The following JAKMIP3 variants were observed in gnomAD, a reference collection of about 807,000 sequenced individuals.
JAKMIP3 encodes the protein Janus kinase and microtubule interacting protein 3, also known as janus kinase and microtubule-interacting protein 3.
In JAKMIP3, 58 loss-of-function variants were observed where a neutral mutation model predicts 118.5. That is an observed-to-expected ratio of 0.49 (90% CI 0.40 to 0.61). The LOEUF (loss-of-function observed/expected upper bound fraction) is 0.61. JAKMIP3 is among the 20% of genes least tolerant of loss of function. The pLI, the probability that JAKMIP3 is intolerant of heterozygous loss-of-function variation, is 0.00. For synonymous variants in JAKMIP3, 486 were observed against 451.2 expected (o/e 1.08, Z -0.98); for missense variants, 950 against 1,109.0 (o/e 0.86, Z 2.04).
chr10:132,106,788 C>T (rs934792695), intron 2 of JAKMIP3, among the ~76,000 whole-genome samples: 1 of 152,216 alleles, frequency 6.6e-6, no homozygotes, highest in Non-Finnish European at 1.5e-5. Flanking sequence ...ACATGGCTGT[C>T]GTCTTCCCTC....
chr10:132,180,620 T>TGCGCGTGC lies in JAKMIP3; in HGVS notation c.*1104-1736_*1104-1735insCGCGTGCG, dbSNP rs1446423696. ...GTGCGTGCGCGTGTGTGTGTGCGTG[T>TGCGCGTGC]GTGTGCGTGTGTGCGTGCGTGTGTG... On this transcript the variant is annotated intron_variant, in intron 23 of 23. Transcript: ENST00000684848. 2.9e-4 allele frequency among the ~76,000 whole-genome samples: 12 copies of TGCGCGTGC among 41,214 alleles called. 1 individual carries two copies. The highest frequency in any genetic ancestry group is 1.6e-3 in the African/African-American group (12 of 7,342). The allele number at this position is 41,214 out of a possible 152,430, so 27.0% of individuals were successfully genotyped here.
rs540809939 is a variant in JAKMIP3 at position 132,137,358 on chromosome 10, G to A, written c.1284+69G>A. 8.3e-5 allele frequency: 132 copies of A among 1,589,692 alleles called. 1 individual carries two copies. In the Admixed American group the frequency reaches 1.0e-3, roughly 12 times the overall value. On this transcript the variant is annotated intron_variant, in intron 8 of 23. Coordinates refer to ENST00000684848, the MANE Select transcript of JAKMIP3 (RefSeq NM_001323087.2). The stretch of plus-strand genomic sequence containing the variant: ...CGCAGTTGCCCGTGGGACCCATTCT[G>A]TGCCCAGGGCTCCTCACAGACCAGA...
At position 132,179,569 on chromosome 10, in the gene JAKMIP3, C is replaced by G. The variant is rs535403735; in HGVS notation, c.*1104-2788C>G. On this transcript the variant is annotated intron_variant, in intron 23 of 23. Transcript: ENST00000684848. This position sits in a 1 kb window ranked among gnomAD's most constrained non-coding sequence, Gnocchi z 4.3. Reference sequence around the variant, plus strand: ...AAGAATGCGCTCCCTGAAGGCAATTCGCAGCCCCATGTTCCCCCCACCCCC... The same window carrying G: ...AAGAATGCGCTCCCTGAAGGCAATTGGCAGCCCCATGTTCCCCCCACCCCC... 1.3e-5 allele frequency among the ~76,000 whole-genome samples: 2 copies of G among 152,170 alleles called. No homozygotes were observed. Among genetic ancestry groups the G allele is most frequent in the South Asian group, 4.1e-4 (2 of 4,830 alleles).
At chr10:132,139,177 T>C (rs2380099) in intron 9 of JAKMIP3, among the ~76,000 whole-genome samples, 85,718 of 127,958 alleles carry the variant, frequency 0.67, 29,097 homozygotes, top group African/African-American at 0.75. Flanking sequence ...TGTGTGTATG[T>C]GTCTGTGTAT....
intron 10 of JAKMIP3, 55 bp downstream of exon 10, chr10:132,140,634 T>G: frequency 8.3e-7 from 1 of 1,199,486 alleles, no homozygotes; most frequent in Non-Finnish European, 1.1e-6. Flanking sequence ...GAGGGTCTCC[T>G]GCCGGGTCCT....
At chr10:132,159,622 CCTCTTCCTTTGTG>C (rs2057687642) in intron 19 of JAKMIP3, among the ~76,000 whole-genome samples, 1 of 67,588 alleles carries the variant, frequency 1.5e-5, no homozygotes, top group Admixed American at 1.9e-4. Flanking sequence ...TGCTGGGGGT[CCTCTTCCTTTGTG>C]ATGCTGGGGG....
At position 132,145,148 on chromosome 10, in the gene JAKMIP3, G is replaced by A. The variant is rs190702116; in HGVS notation, c.1644G>A (p.Ala548=). 5.6e-5 allele frequency: 91 copies of A among 1,612,464 alleles called. No homozygotes were observed. The highest frequency in any genetic ancestry group is 8.3e-5 in the Admixed American group (5 of 59,978). The change falls in exon 12 of 24, where the codon GCG becomes GCA. Residue 548 remains alanine, a synonymous_variant. Transcript: ENST00000684848. ...QLQAEVQRAQ[A]RIEDLEKALA... ...AAGCCGAAGTGCAGAGGGCACAGGC[G>A]CGGATAGAGGACCTGGAGAAGGCCC...
At chr10:132,158,654 GA>G (rs1429423094) in intron 19 of JAKMIP3, among the ~76,000 whole-genome samples, 9 of 151,562 alleles carry the variant, frequency 5.9e-5, no homozygotes, top group African/African-American at 2.2e-4. Context: ...GATGCTGTGG[GA>G]GGGGCATCTT....
At chr10:132,061,039 C>T (rs1291425683), upstream of JAKMIP3, among the ~76,000 whole-genome samples, 4 of 152,220 alleles carry the variant, frequency 2.6e-5, no homozygotes, top group South Asian at 6.2e-4. Context: ...AAAAAAAATA[C>T]AAGAGAATAT....
intron 1 of JAKMIP3, among the ~76,000 whole-genome samples, chr10:132,079,827 C>T (rs7086352): frequency 0.78 from 118,015 of 152,210 alleles, 47,053 homozygotes; most frequent in East Asian, 1. Context: ...CTCCGTGTTG[C>T]GGCACGTATC....
At chr10:132,180,606 T>C (rs1281226524) in intron 23 of JAKMIP3, among the ~76,000 whole-genome samples, 249 of 24,786 alleles carry the variant, frequency 0.01, 46 homozygotes, top group East Asian at 0.051. Flanking sequence ...TGCGTGCGCG[T>C]GTGTGTGTGC....
chr10:132,159,494 C>T (rs1361816729), intron 19 of JAKMIP3, among the ~76,000 whole-genome samples: 9 of 138,576 alleles, frequency 6.5e-5, no homozygotes, highest in Non-Finnish European at 1.2e-4. Flanking sequence ...GGAGGAGGCT[C>T]TCCCTGTGTG....
chr10:132,047,102 G>A (rs1256034445), intron 1 of JAKMIP3, among the ~76,000 whole-genome samples: 1 of 152,168 alleles, frequency 6.6e-6, no homozygotes, highest in East Asian at 1.9e-4. Flanking sequence ...GCCCAGGCTA[G>A]TCTTGAACTC....
intron 19 of JAKMIP3, among the ~76,000 whole-genome samples, chr10:132,159,849 GGC>G (rs1564982728): frequency 8.1e-4 from 48 of 59,464 alleles, no homozygotes; most frequent in African/African-American, 2.8e-3. Flanking sequence ...GATGCTGGGG[GGC>G]CTCTCCCTGT....
intron 23 of JAKMIP3, among the ~76,000 whole-genome samples, chr10:132,180,678 C>CGTGTGT (rs1323173621): frequency 0.011 from 108 of 9,558 alleles, 8 homozygotes; most frequent in Non-Finnish European, 0.012. Context: ...TGTGTGTGCG[C>CGTGTGT]GCGCGTGTGT....
At chr10:132,051,844 G>A (rs577441036) in intron 1 of JAKMIP3, among the ~76,000 whole-genome samples, 4 of 152,312 alleles carry the variant, frequency 2.6e-5, no homozygotes, top group African/African-American at 9.6e-5. Flanking sequence ...TGAGTTCAAA[G>A]TGATCCACCC....
intron 1 of JAKMIP3, among the ~76,000 whole-genome samples, chr10:132,094,485 G>T (rs984284414): frequency 6.6e-6 from 1 of 152,062 alleles, no homozygotes; most frequent in Non-Finnish European, 1.5e-5. Context: ...TTTTCCTATG[G>T]ATGTGGCTTC....
chr10:132,124,881 C>A (rs529546667), intron 3 of JAKMIP3, among the ~76,000 whole-genome samples: 2 of 152,220 alleles, frequency 1.3e-5, no homozygotes, highest in Non-Finnish European at 2.9e-5. Flanking sequence ...ACAGTATTGC[C>A]ATTTCTTTAG....
chr10:132,052,085 C>G (rs866743393), intron 1 of JAKMIP3, among the ~76,000 whole-genome samples: 2 of 152,268 alleles, frequency 1.3e-5, no homozygotes, highest in Middle Eastern at 3.4e-3. Context: ...ATTAGCCAGG[C>G]ATGGTGGTGC....
Sources: gnomAD v4.1 joint callset for allele counts (sites outside exome capture counted in the v4.1 genomes callset) on GRCh38, gnomAD v4.1.1 for gene constraint, Gnocchi (gnomAD v3.1) non-coding constraint, MANE v1.5 for transcripts, NCBI Gene and HGNC (gene_info 2026-07-23, HGNC 2026-07-21) for gene names.